Variants in ABLIM1 observed in about 807,000 individuals in gnomAD.
ABLIM1 encodes the protein actin binding LIM protein 1, also known as actin-binding LIM protein 1.
Under a neutral mutation model 107.0 loss-of-function variants are expected in ABLIM1, and 40 were observed. The ratio of observed to expected loss-of-function variants is 0.37; its 90% CI spans 0.29 to 0.49. ABLIM1 has a LOEUF of 0.49. ABLIM1 is among the 20% of genes least tolerant of loss of function. ABLIM1 has a pLI of 0.97. For synonymous variants in ABLIM1, 357 were observed against 357.3 expected, an observed-to-expected ratio of 1.00 and a Z score of 0.01; for missense variants, 857 against 1,008.5, an observed-to-expected ratio of 0.85 and a Z score of 2.04.
intron 1 of ABLIM1, among the ~76,000 whole-genome samples, chr10:114,723,433 A>G (rs1455659896): frequency 1.3e-5 from 2 of 152,242 alleles, no homozygotes; most frequent in Non-Finnish European, 2.9e-5. Context: ...GGAATAAATA[A>G]AAGCATGGGC....
intron 6 of ABLIM1, among the ~76,000 whole-genome samples, chr10:114,544,644 T>C (rs1158868782): frequency 4.6e-5 from 7 of 152,190 alleles, no homozygotes; most frequent in African/African-American, 9.7e-5. Flanking sequence ...GATGCATGCA[T>C]AGACATATGC....
At chr10:114,704,260 A>ATCTCTCTCTCTC (rs1346726796) in intron 1 of ABLIM1, among the ~76,000 whole-genome samples, 2 of 50,044 alleles carry the variant, frequency 4.0e-5, no homozygotes, top group African/African-American at 6.8e-5. Context: ...CTGACACTCT[A>ATCTCTCTCTCTC]TCTCTCTCTC....
At chr10:114,612,894 A>G (rs2076904947) in intron 1 of ABLIM1, among the ~76,000 whole-genome samples, 1 of 152,232 alleles carries the variant, frequency 6.6e-6, no homozygotes, top group Non-Finnish European at 1.5e-5. Flanking sequence ...TAAGCACGGT[A>G]CCACCATTAC....
chr10:114,514,308 A>T (rs1188422850), intron 6 of ABLIM1, among the ~76,000 whole-genome samples: 1 of 152,156 alleles, frequency 6.6e-6, no homozygotes, highest in Non-Finnish European at 1.5e-5. Context: ...CAAAAAAAAA[A>T]AAAAAATAAA....
chr10:114,466,312 T>TA (rs879903892), intron 11 of ABLIM1, among the ~76,000 whole-genome samples: 79 of 147,924 alleles, frequency 5.3e-4, no homozygotes, highest in African/African-American at 1.5e-3. Flanking sequence ...ACTGTTTCTT[T>TA]AAAAAAAAAA....
intron 1 of ABLIM1, among the ~76,000 whole-genome samples, chr10:114,624,193 C>T (rs1487118939): frequency 1.3e-5 from 2 of 152,236 alleles, no homozygotes; most frequent in African/African-American, 4.8e-5. Context: ...TCACTGATCA[C>T]TGAACCTTCT....
the ABLIM1 span, among the ~76,000 whole-genome samples, chr10:114,800,559 T>G: frequency 6.6e-6 from 1 of 152,188 alleles, no homozygotes; most frequent in Non-Finnish European, 1.5e-5. Flanking sequence ...GCATCACCAG[T>G]ATAACATACC....
intron 6 of ABLIM1, among the ~76,000 whole-genome samples, chr10:114,513,412 C>G (rs989843370): frequency 1.3e-5 from 2 of 152,046 alleles, no homozygotes; most frequent in African/African-American, 4.8e-5. Context: ...CCTCTTAAAT[C>G]AAGCAAAAAC....
chr10:114,547,226 C>A (rs910073882), intron 5 of ABLIM1, among the ~76,000 whole-genome samples: 1 of 151,650 alleles, frequency 6.6e-6, no homozygotes, highest in Admixed American at 6.6e-5. Flanking sequence ...GAGCCCATTT[C>A]CTGGCAGGCT....
At chr10:114,791,225 G>A in the ABLIM1 span, among the ~76,000 whole-genome samples, 2 of 152,162 alleles carry the variant, frequency 1.3e-5, no homozygotes, top group Non-Finnish European at 2.9e-5. Flanking sequence ...AAGACTACAG[G>A]CCTGTGTCAC....
chr10:114,699,496 A>G (rs1014324032), intron 1 of ABLIM1, among the ~76,000 whole-genome samples: 1 of 152,150 alleles, frequency 6.6e-6, no homozygotes, highest in Non-Finnish European at 1.5e-5. Context: ...GTGTCTTCTG[A>G]CAGCAGTCAG....
intron 1 of ABLIM1, among the ~76,000 whole-genome samples, chr10:114,723,096 A>G (rs1185676937): frequency 6.6e-6 from 1 of 152,232 alleles, no homozygotes; most frequent in Non-Finnish European, 1.5e-5. Context: ...AGCACAACAC[A>G]TATCCACTGA....
intron 1 of ABLIM1, among the ~76,000 whole-genome samples, chr10:114,680,525 T>C (rs2080701481): frequency 6.6e-6 from 1 of 152,194 alleles, no homozygotes; most frequent in Non-Finnish European, 1.5e-5. Flanking sequence ...AAATCCCCAA[T>C]CCTCTGTGGC....
intron 1 of ABLIM1, among the ~76,000 whole-genome samples, chr10:114,626,034 A>G (rs2140541381): frequency 6.6e-6 from 1 of 152,318 alleles, no homozygotes; most frequent in African/African-American, 2.4e-5. Context: ...AGCAGGGAGG[A>G]GGTATTTTAA....
At chr10:114,691,555 G>T in intron 1 of ABLIM1, among the ~76,000 whole-genome samples, 1 of 152,110 alleles carries the variant, frequency 6.6e-6, no homozygotes, top group South Asian at 2.1e-4. Flanking sequence ...TTTCTCTTTG[G>T]TGACTCATTT....
At chr10:114,709,417 A>G (rs895965606) in intron 1 of ABLIM1, among the ~76,000 whole-genome samples, 2 of 152,252 alleles carry the variant, frequency 1.3e-5, no homozygotes, top group African/African-American at 4.8e-5. Flanking sequence ...GAGTCAAAAC[A>G]GAAGTTCTCT....
At chr10:114,657,704 A>T (rs1341656671) in intron 1 of ABLIM1, among the ~76,000 whole-genome samples, 1 of 152,204 alleles carries the variant, frequency 6.6e-6, no homozygotes, top group Non-Finnish European at 1.5e-5. Context: ...AATTATTCAT[A>T]CCAAGTTTGG....
chr10:114,735,499 C>T (rs2082160298), intron 1 of ABLIM1, among the ~76,000 whole-genome samples: 1 of 152,188 alleles, frequency 6.6e-6, no homozygotes, highest in African/African-American at 2.4e-5. Context: ...GAGACGGAGT[C>T]TCGCTCTGTC....
intron 6 of ABLIM1, among the ~76,000 whole-genome samples, chr10:114,496,477 C>A (rs1396681843): frequency 2.7e-5 from 4 of 146,448 alleles, no homozygotes; most frequent in Admixed American, 6.9e-5. Context: ...GGGAGGGGAA[C>A]AACACACACT....
Sources: gnomAD v4.1 joint callset for allele counts (sites outside exome capture counted in the v4.1 genomes callset) on GRCh38, gnomAD v4.1.1 for gene constraint, MANE v1.5 for transcripts, NCBI Gene and HGNC (gene_info 2026-07-23, HGNC 2026-07-21) for gene names.